SPOUT1: variants seen among roughly 807,000 people sequenced by gnomAD.
The protein encoded by SPOUT1 is 28S rRNA (uridine-N(3))-methyltransferase.
SPOUT1 carries 40 observed loss-of-function variants against 54.8 expected under a neutral mutation model. That is an observed-to-expected ratio of 0.73 (90% CI 0.57 to 0.95). The LOEUF (loss-of-function observed/expected upper bound fraction) is 0.95, where lower values mean the gene tolerates loss of function less well. Among genes scored for constraint, SPOUT1 ranks in the 40% least tolerant of loss-of-function variants. The pLI, the probability that SPOUT1 is intolerant of heterozygous loss-of-function variation, is 0.00. For missense variants in SPOUT1, 437 were observed against 499.5 expected (o/e 0.87, Z 1.19); for synonymous variants, 193 against 200.3 (o/e 0.96, Z 0.31).
At chr9:128,829,048 G>C (rs1830297266) in intron 2 of SPOUT1, 62 bp downstream of exon 2, 3 of 1,537,516 alleles carry the variant, frequency 2.0e-6, no homozygotes, top group Non-Finnish European at 2.7e-6. Flanking sequence ...TCTTTCTCCA[G>C]GGTTTGACTG....
chr9:128,829,146 CG>C lies in SPOUT1; in HGVS notation c.45del (p.His15GlnfsTer26). 1 of 1,613,946 alleles carries C rather than the reference CG, an allele frequency of 6.2e-7. No individual in the cohort carries two copies. The highest frequency in any genetic ancestry group is 8.5e-7 in the Non-Finnish European group (1 of 1,179,806). ...GRKRPCGPGEHGQRIEWRKWK... is the reference protein window; with the variant it reads ...GRKRPCGPGEXGQRIEWRKWK... ...CATTTTCGCCACTCAATCCTTTGGC[CG>C]TGTTCACCCTGGAGAAGGAGTGGTA... On this transcript the variant is annotated frameshift_variant, in exon 2 of 12. Coordinates refer to ENST00000361256, the MANE Select transcript of SPOUT1 (RefSeq NM_016390.4). LOFTEE classifies it high-confidence loss of function.
Position 128,823,899 on chromosome 9 carries a change from C to A in SPOUT1, c.915-5G>T, listed in dbSNP as rs749149751. On this transcript the variant is annotated splice_region_variant and splice_polypyrimidine_tract_variant and intron_variant, in intron 10 of 11. Coordinates refer to ENST00000361256, the MANE Select transcript of SPOUT1 (RefSeq NM_016390.4). ...CCGAACACCACAAGAGCATGCCTGGCCCATGTAAGAGGGGGTCACCTGAGC... is the reference window on the plus strand; with the variant it reads ...CCGAACACCACAAGAGCATGCCTGGACCATGTAAGAGGGGGTCACCTGAGC... The A allele has an allele frequency of 6.2e-7, 1 of 1,612,590 alleles. No individual in the cohort carries two copies. Among genetic ancestry groups the A allele is most frequent in the Non-Finnish European group, 8.5e-7 (1 of 1,179,586 alleles).
chr9:128,825,896 TG>T, intron 7 of SPOUT1, 125 bp downstream of exon 7: 1 of 1,244,914 alleles, frequency 8.0e-7, no homozygotes, highest in Non-Finnish European at 1.1e-6. Flanking sequence ...CACAATTCTC[TG>T]GCCCAAATTT....
rs1370805937 is a variant in SPOUT1, at chr9:128,826,241, C to T, written c.509-89G>A. The T allele has an allele frequency of 2.6e-6, 4 of 1,552,488 alleles. No homozygotes were observed. Among genetic ancestry groups the T allele is most frequent in the Middle Eastern group, 3.7e-4 (2 of 5,382 alleles). On this transcript the variant is annotated intron_variant, in intron 6 of 11. Coordinates refer to ENST00000361256, the MANE Select transcript of SPOUT1 (RefSeq NM_016390.4). The surrounding 1 kb of genome is among the most constrained non-coding windows in gnomAD (Gnocchi z 5.5). ...CTGGAGCGGAGTACCGGCTCTGCCA[C>T]AGACCTGCGTCTTGGCATCAGACAC... is the stretch of plus-strand genomic sequence containing the variant.
At chr9:128,825,744 G>T (rs1589594772) in intron 7 of SPOUT1, among the ~76,000 whole-genome samples, 1 of 152,340 alleles carries the variant, frequency 6.6e-6, no homozygotes, top group Admixed American at 6.5e-5. Flanking sequence ...GCTTGGCTCT[G>T]TGCCACATGG....
chr9:128,826,908 A>C lies in SPOUT1; in HGVS notation c.368+124T>G. The C allele has an allele frequency of 9.6e-7, 1 of 1,039,490 alleles. No homozygotes were observed. The highest frequency in any genetic ancestry group is 2.1e-4 in the Middle Eastern group (1 of 4,656). The allele number at this position is 1,039,490 out of a possible 1,614,324, so 64.4% of individuals were successfully genotyped here. ...TCTACCCACTAAGGATTACACAGGG[A>C]ATATTTCAGGCAGGGCACGAGGGAA... On this transcript the variant is annotated intron_variant, in intron 4 of 11. Coordinates refer to ENST00000361256, the MANE Select transcript of SPOUT1 (RefSeq NM_016390.4). The surrounding 1 kb of genome is among the most constrained non-coding windows in gnomAD (Gnocchi z 5.5).
intron 11 of SPOUT1, among the ~76,000 whole-genome samples, 180 bp from the exon 12 acceptor site, chr9:128,823,013 A>G (rs1830158777): frequency 6.6e-6 from 1 of 152,156 alleles, no homozygotes; most frequent in African/African-American, 2.4e-5. Context: ...CACCTGGAGG[A>G]CCACACAGCC....
At position 128,825,037 on chromosome 9, in the gene SPOUT1, C is replaced by A; in HGVS notation, c.652G>T (p.Asp218Tyr). 2 of 1,571,284 alleles carry A rather than the reference C, an allele frequency of 1.3e-6. No homozygotes were observed. Among genetic ancestry groups the A allele is most frequent in the South Asian group, 2.3e-5 (2 of 86,288 alleles). The change falls in exon 8 of 12, where the codon GAC (aspartate) becomes TAC (tyrosine). Residue 218 changes from aspartate (D) to tyrosine (Y), a missense_variant. Physicochemically the swap from Asp to Tyr is radical, Grantham distance 160. Transcript: ENST00000361256. ...CGAAGCCCGGGCTCCAGGTTCTTGT[C>A]AATCTTCACCTCCTGGGGAGAAGCC... ...NCGMKKEVKIDKNLEPGLRVT... is the reference protein window; with the variant it reads ...NCGMKKEVKIYKNLEPGLRVT...
chr9:128,822,794 G>C lies in SPOUT1; in HGVS notation c.1102C>G (p.Leu368Val). 4 of 1,590,312 alleles carry C rather than the reference G, an allele frequency of 2.5e-6. No homozygotes were observed. The highest frequency in any genetic ancestry group is 3.4e-6 in the Non-Finnish European group (4 of 1,167,430). Residue 368 changes from leucine to valine, a missense_variant, in exon 12 of 12, where the codon CTC becomes GTC. Transcript: ENST00000361256. ...LISLAALQPG[L>V]IQAGARHT The stretch of plus-strand genomic sequence containing the variant: ...GTGTGCCGGGCACCCGCCTGGATGA[G>C]GCCAGGCTGCAGGGCGGCCAGGGAG...
rs1276374253 is a variant in SPOUT1 at position 128,821,824 on chromosome 9, C to T, written c.*941G>A. Reference sequence around the variant, plus strand: ...CAGGGCCTGGTCCATGGTAAGGGCTCGGCATAGGCTGGCCAAGGCGGTGGT... The same window carrying T: ...CAGGGCCTGGTCCATGGTAAGGGCTTGGCATAGGCTGGCCAAGGCGGTGGT... On this transcript the variant is annotated 3_prime_UTR_variant, in exon 12 of 12. Transcript: ENST00000361256. The T allele has an allele frequency of 5.9e-6, 1 of 170,124 alleles. No homozygotes were observed. Among genetic ancestry groups the T allele is most frequent in the South Asian group, 1.4e-4 (1 of 7,118 alleles). 10.5% of individuals were successfully genotyped at this position (170,124 alleles called of 1,614,324 possible).
rs779074036 is a variant in SPOUT1 at position 128,826,656 on chromosome 9, G to A, written c.369-27C>T. The A allele has an allele frequency of 1.3e-6, 2 of 1,490,142 alleles. No homozygotes were observed. Among genetic ancestry groups the A allele is most frequent in the African/African-American group, 2.8e-5 (2 of 70,938 alleles). 92.3% of individuals were successfully genotyped at this position (1,490,142 alleles called of 1,614,324 possible). ...TGGAGAGAGAGAGATGGGGGCTCAG[G>A]ATCCAGCTGTGGCCCCTTCAAGAGC... On this transcript the variant is annotated intron_variant, in intron 4 of 11. Transcript: ENST00000361256. The surrounding 1 kb of genome is among the most constrained non-coding windows in gnomAD (Gnocchi z 5.5).
Position 128,820,738 on chromosome 9 carries a change from G to A in SPOUT1, c.*2027C>T, listed in dbSNP as rs535536814. On this transcript the variant is annotated 3_prime_UTR_variant, in exon 12 of 12. Coordinates refer to ENST00000361256, the MANE Select transcript of SPOUT1 (RefSeq NM_016390.4). Reference sequence around the variant, plus strand: ...CTGCTAAGCCCTATCTCTCCTACCAGGTGCCCCACCTCAACCAGAATGCCT... The same window carrying A: ...CTGCTAAGCCCTATCTCTCCTACCAAGTGCCCCACCTCAACCAGAATGCCT... 4 of 1,607,644 alleles carry A rather than the reference G, an allele frequency of 2.5e-6. No individual in the cohort carries two copies. In the East Asian group the frequency reaches 6.7e-5, roughly 27 times the overall value.
At chr9:128,825,171 T>C in intron 7 of SPOUT1, 122 bp from the exon 8 acceptor site, 1 of 686,320 alleles carries the variant, frequency 1.5e-6, no homozygotes, top group Non-Finnish European at 2.6e-6. Context: ...CAGGTCAACC[T>C]GCCACCCTCC....
In SPOUT1 at chr9:128,822,627, G is replaced by A; in HGVS notation, c.*138C>T. ...AGTAAGTGAGGGTGGAGCCCAGTGA[G>A]ACTGTGGGTGTGTGCAGGCCGGGGA... On this transcript the variant is annotated 3_prime_UTR_variant, in exon 12 of 12. Coordinates refer to ENST00000361256, the MANE Select transcript of SPOUT1 (RefSeq NM_016390.4). The A allele has an allele frequency of 6.4e-7, 1 of 1,563,350 alleles. No individual in the cohort carries two copies. Among genetic ancestry groups the A allele is most frequent in the Non-Finnish European group, 8.7e-7 (1 of 1,153,418 alleles).
chr9:128,828,739 G>A lies in SPOUT1; in HGVS notation c.204C>T (p.Asp68=). The change falls in exon 3 of 12, where the codon GAC becomes GAT. Residue 68 remains aspartate (D), a synonymous_variant. Transcript: ENST00000361256. ...EEEEAAAEKE[D]RGRPYTLSVA... Reference sequence around the variant, plus strand: ...CTCCCCAAGACCCCAGCTCACCGCGGTCCTCCTTCTCTGCCGCTGCCTCCT... The same window carrying A: ...CTCCCCAAGACCCCAGCTCACCGCGATCCTCCTTCTCTGCCGCTGCCTCCT... 1.2e-6 allele frequency: 2 copies of A among 1,613,564 alleles called. No individual in the cohort carries two copies. Among genetic ancestry groups the A allele is most frequent in the Non-Finnish European group, 1.7e-6 (2 of 1,180,006 alleles).
At chr9:128,827,501 G>A (rs1410102402) in intron 3 of SPOUT1, among the ~76,000 whole-genome samples, 1 of 152,250 alleles carries the variant, frequency 6.6e-6, no homozygotes, top group Admixed American at 6.5e-5. Flanking sequence ...AATGAAAGCT[G>A]ATATCTAATA....
rs1308427455 is a variant in SPOUT1 at position 128,828,838 on chromosome 9, C to T, written c.105G>A (p.Trp35Ter). 6.2e-6 allele frequency: 10 copies of T among 1,614,018 alleles called. No individual in the cohort carries two copies. The South Asian group carries it at 9.9e-5, about 16-fold the overall frequency. Residue 35 changes from tryptophan (W) to a stop codon, truncating the protein, a stop_gained, in exon 3 of 12, where the codon TGG (tryptophan) becomes TGA (stop). Coordinates refer to ENST00000361256, the MANE Select transcript of SPOUT1 (RefSeq NM_016390.4). LOFTEE classifies it high-confidence loss of function. ...KQQKKEEKKK[W>*]KDLKLMKKLE... ...GTTTTTTCATCAGCTTGAGATCCTTCCATTTTTTTTTCTCCTCTTTCTCTG... is the reference window on the plus strand; with the variant it reads ...GTTTTTTCATCAGCTTGAGATCCTTTCATTTTTTTTTCTCCTCTTTCTCTG...
At chr9:128,823,513 A>T (rs745803654) in intron 11 of SPOUT1, among the ~76,000 whole-genome samples, 5 of 152,140 alleles carry the variant, frequency 3.3e-5, no homozygotes, top group African/African-American at 4.8e-5. Flanking sequence ...AGGGGTGGGC[A>T]GGGCCCCCTG....
intron 1 of SPOUT1, among the ~76,000 whole-genome samples, chr9:128,829,519 T>A (rs576171799): frequency 6.6e-6 from 1 of 152,244 alleles, no homozygotes; most frequent in Admixed American, 6.5e-5. Flanking sequence ...GGGTCCCGCC[T>A]CCGTAATCCA....
Sources: gnomAD v4.1 joint callset for allele counts (sites outside exome capture counted in the v4.1 genomes callset) on GRCh38, gnomAD v4.1.1 for gene constraint, Gnocchi (gnomAD v3.1) non-coding constraint, MANE v1.5 for transcripts, NCBI Gene and HGNC (gene_info 2026-07-23, HGNC 2026-07-21) for gene names.